The following MAP3K7 variants were observed in gnomAD, a reference collection of about 807,000 sequenced individuals.
The protein encoded by MAP3K7 is TGF-beta activated kinase 1.
MAP3K7 carries 21 observed loss-of-function variants against 84.8 expected under a neutral mutation model. The ratio of observed to expected loss-of-function variants is 0.25; its 90% CI spans 0.18 to 0.36. MAP3K7 has a LOEUF of 0.36. Ranked by LOEUF, MAP3K7 falls within the 10% of genes least tolerant of loss-of-function variation. MAP3K7 has a pLI of 1.00. For missense variants in MAP3K7, 503 were observed against 747.7 expected, an observed-to-expected ratio of 0.67 and a Z score of 3.82; for synonymous variants, 241 against 247.7, an observed-to-expected ratio of 0.97 and a Z score of 0.25.
At chr6:90,520,184 G>C (rs1775101336) in intron 14 of MAP3K7, among the ~76,000 whole-genome samples, 1 of 151,932 alleles carries the variant, frequency 6.6e-6, no homozygotes, top group South Asian at 2.1e-4. Flanking sequence ...CTTTCCCACT[G>C]TTAGTAGACA....
At chr6:90,583,037 C>G (rs1171869382) in intron 1 of MAP3K7, among the ~76,000 whole-genome samples, 2 of 152,022 alleles carry the variant, frequency 1.3e-5, no homozygotes, top group Non-Finnish European at 2.9e-5. Context: ...CCTGTGCCAC[C>G]ACACCCAGCT....
At chr6:90,547,679 T>G (rs995985889) in intron 10 of MAP3K7, among the ~76,000 whole-genome samples, 1 of 152,146 alleles carries the variant, frequency 6.6e-6, no homozygotes, top group African/African-American at 2.4e-5. Context: ...TTTTTAAAAA[T>G]CAACAATGGC....
At chr6:90,567,610 T>C (rs1301659605) in intron 3 of MAP3K7, among the ~76,000 whole-genome samples, 1 of 152,198 alleles carries the variant, frequency 6.6e-6, no homozygotes. Context: ...TTTTACACCG[T>C]TGGTGGGACT....
In MAP3K7 at chr6:90,568,930, TAAG is replaced by T. The variant is rs566511614; in HGVS notation, c.232-310_232-308del. ...AACAAGGCACGATGAGTATATAGAA[TAAG>T]AAGAGATGAACTCTGCCAAGAAATG... On this transcript the variant is annotated intron_variant, in intron 2 of 16. Transcript: ENST00000369329. 2.3e-3 allele frequency among the ~76,000 whole-genome samples: 345 copies of T among 152,226 alleles called. 1 individual carries two copies. The highest frequency in any genetic ancestry group is 3.8e-3 in the Non-Finnish European group (258 of 68,014).
At chr6:90,554,923 T>C (rs1582206927) in intron 6 of MAP3K7, among the ~76,000 whole-genome samples, 1 of 152,204 alleles carries the variant, frequency 6.6e-6, no homozygotes, top group African/African-American at 2.4e-5. Flanking sequence ...ACTAGTTGCA[T>C]TGCAATTTCT....
At chr6:90,583,320 C>T (rs994527658) in intron 1 of MAP3K7, among the ~76,000 whole-genome samples, 15 of 152,186 alleles carry the variant, frequency 9.9e-5, no homozygotes, top group Non-Finnish European at 5.9e-5. Context: ...TAGAGTACTT[C>T]AGAAAGTACT....
intron 14 of MAP3K7, among the ~76,000 whole-genome samples, chr6:90,521,744 G>A (rs180917605): frequency 4.6e-5 from 7 of 151,968 alleles, no homozygotes; most frequent in Admixed American, 3.3e-4. Context: ...CCTCTACTGC[G>A]TCTAGATCTC....
At chr6:90,562,973 G>A (rs142641881) in intron 3 of MAP3K7, among the ~76,000 whole-genome samples, 2 of 152,172 alleles carry the variant, frequency 1.3e-5, no homozygotes, top group Non-Finnish European at 2.9e-5. Flanking sequence ...GGTCTGGAGT[G>A]GACCTCCAGC....
chr6:90,561,735 T>A, intron 3 of MAP3K7, 68 bp from the exon 4 acceptor site: 1 of 1,022,908 alleles, frequency 9.8e-7, no homozygotes, highest in Non-Finnish European at 1.5e-6. Context: ...TGAGAGAGAA[T>A]TTAATTCACT....
chr6:90,534,898 C>A (rs1775617658), intron 13 of MAP3K7, among the ~76,000 whole-genome samples: 1 of 151,988 alleles, frequency 6.6e-6, no homozygotes, highest in African/African-American at 2.4e-5. Context: ...AGAATCAAAG[C>A]AAATAGCAGA....
intron 1 of MAP3K7, among the ~76,000 whole-genome samples, chr6:90,583,364 T>G (rs1777342449): frequency 6.6e-6 from 1 of 152,222 alleles, no homozygotes; most frequent in South Asian, 2.1e-4. Flanking sequence ...AAAGGGCAAC[T>G]GACTCACAAG....
intron 13 of MAP3K7, among the ~76,000 whole-genome samples, chr6:90,535,170 C>T (rs527431280): frequency 1.6e-4 from 24 of 151,946 alleles, no homozygotes; most frequent in African/African-American, 5.1e-4. Context: ...AAATGAAGAT[C>T]AAGGATATTC....
intron 2 of MAP3K7, among the ~76,000 whole-genome samples, chr6:90,570,681 ATCTCATCTGG>A (rs1776871918): frequency 6.6e-6 from 1 of 152,180 alleles, no homozygotes; most frequent in African/African-American, 2.4e-5. Context: ...TTACATGCAC[ATCTCATCTGG>A]ATTTAAAAAA....
chr6:90,547,284 A>G lies in MAP3K7; in HGVS notation c.1184T>C (p.Ile395Thr). ...GKRMSADMSEIEARIAATTAY... is the reference protein window; with the variant it reads ...GKRMSADMSETEARIAATTAY... ...TGTGGTTGCGGCGATCCTAGCTTCT[A>G]TTTCAGACATGTCAGCACTCATCCT... is the stretch of plus-strand genomic sequence containing the variant. The change falls in exon 11 of 17, where the codon ATA becomes ACA. Residue 395 changes from isoleucine to threonine, a missense_variant. Transcript: ENST00000369329. 6.2e-7 allele frequency: 1 copy of G among 1,613,454 alleles called. No homozygotes were observed. Among genetic ancestry groups the G allele is most frequent in the Non-Finnish European group, 8.5e-7 (1 of 1,179,644 alleles).
At chr6:90,552,340 C>G (rs1262070292) in intron 7 of MAP3K7, among the ~76,000 whole-genome samples, 161 bp from the exon 8 acceptor site, 8 of 152,134 alleles carry the variant, frequency 5.3e-5, no homozygotes, top group Non-Finnish European at 7.4e-5. Context: ...TATCAATTAA[C>G]AAGTTAGTTC....
At chr6:90,520,220 T>C (rs1354738312) in intron 14 of MAP3K7, among the ~76,000 whole-genome samples, 1 of 152,010 alleles carries the variant, frequency 6.6e-6, no homozygotes, top group Non-Finnish European at 1.5e-5. Context: ...GAGTGAGCTC[T>C]TCAGCCTTTT....
At position 90,582,424 on chromosome 6, in the gene MAP3K7, C is replaced by T. The variant is rs1188598901; in HGVS notation, c.120+4340G>A. ...ATTGGGGTTACAAAAGTGAATAAAG[C>T]GCCTTACATTTTGCTGAAGGAGAGA... is the stretch of plus-strand genomic sequence containing the variant. On this transcript the variant is annotated intron_variant, in intron 1 of 16. Coordinates refer to ENST00000369329, the MANE Select transcript of MAP3K7 (RefSeq NM_145331.3). Among the ~76,000 whole-genome samples the T allele has an allele frequency of 5.9e-5, 9 of 152,240 alleles. No individual in the cohort carries two copies. In the South Asian group the frequency reaches 1.9e-3, roughly 32 times the overall value.
chr6:90,560,030 A>C (rs1183215719), intron 5 of MAP3K7, 46 bp downstream of exon 5: 1 of 1,611,706 alleles, frequency 6.2e-7, no homozygotes, highest in African/African-American at 1.3e-5. Context: ...TGAGAGTGAG[A>C]GAGAAGGAGG....
chr6:90,538,266 T>C (rs942428905), intron 12 of MAP3K7, among the ~76,000 whole-genome samples: 5 of 151,928 alleles, frequency 3.3e-5, no homozygotes, highest in African/African-American at 9.7e-5. Context: ...TTTAGAAATA[T>C]GAATGTAAGA....
Sources: gnomAD v4.1 joint callset for allele counts (sites outside exome capture counted in the v4.1 genomes callset) on GRCh38, gnomAD v4.1.1 for gene constraint, MANE v1.5 for transcripts, NCBI Gene and HGNC (gene_info 2026-07-23, HGNC 2026-07-21) for gene names.